The following ARHGAP15 variants were observed in gnomAD, a reference collection of about 807,000 sequenced individuals.
ARHGAP15 encodes rho GTPase-activating protein 15.
Under a neutral mutation model 63.7 loss-of-function variants are expected in ARHGAP15, and 51 were observed. The ratio of observed to expected loss-of-function variants is 0.80; its 90% CI spans 0.64 to 1.01. The LOEUF is 1.01. Ranked by LOEUF, ARHGAP15 falls within the 50% of genes least tolerant of loss-of-function variation. The probability of loss-of-function intolerance (pLI) is 0.00; values close to 1 mark genes in which losing one functional copy is unlikely to be tolerated. For synonymous variants in ARHGAP15, 191 were observed against 193.8 expected, an observed-to-expected ratio of 0.99 and a Z score of 0.12; for missense variants, 560 against 564.6, an observed-to-expected ratio of 0.99 and a Z score of 0.08.
chr2:143,437,654 C>T (rs1270630215), intron 8 of ARHGAP15, among the ~76,000 whole-genome samples: 1 of 152,170 alleles, frequency 6.6e-6, no homozygotes, highest in African/African-American at 2.4e-5. Context: ...ACTGCTTCTT[C>T]CTCAATGAAA....
At chr2:143,685,864 A>T (rs1683310834) in intron 12 of ARHGAP15, among the ~76,000 whole-genome samples, 1 of 152,216 alleles carries the variant, frequency 6.6e-6, no homozygotes. Context: ...GTTCAAAGTC[A>T]AAAGGCCAGG....
rs1442329731 is a variant in ARHGAP15, at chr2:143,508,725, TGC to T, written c.827-10538_827-10537del. 2.1e-5 allele frequency among the ~76,000 whole-genome samples: 3 copies of T among 141,896 alleles called. No homozygotes were observed. The Admixed American group carries it at 2.2e-4, about 10-fold the overall frequency. 93.1% of individuals were successfully genotyped at this position (141,896 alleles called of 152,430 possible). On this transcript the variant is annotated intron_variant, in intron 9 of 13. Coordinates refer to ENST00000295095, the MANE Select transcript of ARHGAP15 (RefSeq NM_018460.4). ...AGTAGACAAATATAGAAGAATTTCATGCGCACAGTGTCCCATTTGGTTAATAA... is the reference window on the plus strand; with the variant it reads ...AGTAGACAAATATAGAAGAATTTCATGCACAGTGTCCCATTTGGTTAATAA...
chr2:143,536,836 G>A (rs534119056), intron 10 of ARHGAP15, among the ~76,000 whole-genome samples: 3 of 151,810 alleles, frequency 2.0e-5, no homozygotes, highest in East Asian at 1.9e-4. Context: ...ATAAACATAC[G>A]TGTGCATGTG....
At chr2:143,531,940 A>T (rs1196060360) in intron 10 of ARHGAP15, among the ~76,000 whole-genome samples, 2 of 152,216 alleles carry the variant, frequency 1.3e-5, no homozygotes, top group African/African-American at 4.8e-5. Flanking sequence ...ACTGGGAAAA[A>T]AAGTACTTTC....
chr2:143,616,714 C>G (rs148334476), intron 11 of ARHGAP15, among the ~76,000 whole-genome samples: 1 of 152,306 alleles, frequency 6.6e-6, no homozygotes, highest in African/African-American at 2.4e-5. Context: ...ACAGGTCTGT[C>G]TCCTCTTGCC....
chr2:143,324,298 C>T (rs1329179310), intron 6 of ARHGAP15, among the ~76,000 whole-genome samples: 2 of 152,010 alleles, frequency 1.3e-5, no homozygotes, highest in African/African-American at 4.8e-5. Flanking sequence ...TCTTCCTGTT[C>T]CTTAGAATTA....
In ARHGAP15 at chr2:143,737,613, G is replaced by A. The variant is rs74598335; in HGVS notation, c.1245-30376G>A. ...CAATTGAGTAGAACCAAAAAGATTC[G>A]AACATGCTTATTTAATGTCCTCTGG... On this transcript the variant is annotated intron_variant, in intron 13 of 13. Transcript: ENST00000295095. Among the ~76,000 whole-genome samples, 15 of 152,174 alleles carry A rather than the reference G, an allele frequency of 9.9e-5. 1 individual carries two copies. In the South Asian group the frequency reaches 2.5e-3, roughly 25 times the overall value.
intron 4 of ARHGAP15, among the ~76,000 whole-genome samples, chr2:143,222,850 T>C (rs1251978859): frequency 6.6e-6 from 1 of 152,222 alleles, no homozygotes; most frequent in African/African-American, 2.4e-5. Flanking sequence ...ATTGCATAAA[T>C]GGTACATAAA....
At chr2:143,584,965 A>G (rs532340053) in intron 11 of ARHGAP15, among the ~76,000 whole-genome samples, 1 of 152,290 alleles carries the variant, frequency 6.6e-6, no homozygotes. Context: ...TCGTACATGT[A>G]TTTTACTTTT....
intron 8 of ARHGAP15, among the ~76,000 whole-genome samples, chr2:143,444,676 G>C (rs1411221013): frequency 6.6e-6 from 1 of 151,492 alleles, no homozygotes; most frequent in Non-Finnish European, 1.5e-5. Context: ...AACATGCTTG[G>C]GGGAAAAAAA....
At chr2:143,206,851 G>A (rs79259596) in intron 3 of ARHGAP15, among the ~76,000 whole-genome samples, 3,743 of 151,916 alleles carry the variant, frequency 0.025, 163 homozygotes, top group African/African-American at 0.086. Flanking sequence ...CACATAAAAA[G>A]TTTGCTCTGA....
intron 8 of ARHGAP15, among the ~76,000 whole-genome samples, chr2:143,455,824 A>G (rs1690622518): frequency 1.3e-5 from 2 of 152,082 alleles, no homozygotes; most frequent in Non-Finnish European, 2.9e-5. Context: ...TAAAAGGAAA[A>G]AAGTTTAATA....
intron 6 of ARHGAP15, among the ~76,000 whole-genome samples, chr2:143,306,288 G>C (rs1323835324): frequency 5.3e-5 from 8 of 152,142 alleles, no homozygotes; most frequent in Non-Finnish European, 1.2e-4. Context: ...GGTTACTACA[G>C]TGTTCGGATT....
At chr2:143,160,342 C>A (rs1443690641) in intron 2 of ARHGAP15, among the ~76,000 whole-genome samples, 1 of 151,886 alleles carries the variant, frequency 6.6e-6, no homozygotes, top group Non-Finnish European at 1.5e-5. Flanking sequence ...TGTTCCTAAT[C>A]TTTATTGGAC....
intron 4 of ARHGAP15, among the ~76,000 whole-genome samples, chr2:143,218,941 T>C (rs1692878558): frequency 1.3e-5 from 2 of 152,192 alleles, no homozygotes; most frequent in South Asian, 4.1e-4. Context: ...CGCTAGGCAA[T>C]AGGAATTTTT....
intron 11 of ARHGAP15, among the ~76,000 whole-genome samples, chr2:143,575,638 A>C (rs529005737): frequency 1.6e-4 from 25 of 152,230 alleles, no homozygotes; most frequent in African/African-American, 5.5e-4. Flanking sequence ...GCAAGTGGGA[A>C]ATTTCACTAT....
intron 1 of ARHGAP15, among the ~76,000 whole-genome samples, chr2:143,153,747 G>A (rs1326836682): frequency 6.6e-6 from 1 of 150,396 alleles, no homozygotes; most frequent in Non-Finnish European, 1.5e-5. Flanking sequence ...GCATTTTTGA[G>A]AATATTATAT....
intron 13 of ARHGAP15, among the ~76,000 whole-genome samples, chr2:143,714,916 G>C (rs755511531): frequency 8.5e-5 from 13 of 152,072 alleles, no homozygotes; most frequent in Admixed American, 3.3e-4. Flanking sequence ...ACATTTTCCT[G>C]TCTTCTTCTG....
At chr2:143,250,648 G>T in intron 6 of ARHGAP15, 48 bp downstream of exon 6, 1 of 1,493,916 alleles carries the variant, frequency 6.7e-7, no homozygotes, top group South Asian at 1.2e-5. Context: ...CTCTAAATCT[G>T]AGCTCTCTTG....
Sources: allele counts gnomAD v4.1 joint callset (sites outside exome capture counted in the v4.1 genomes callset), GRCh38; gene constraint gnomAD v4.1.1; transcripts MANE v1.5; gene names NCBI Gene and HGNC (gene_info 2026-07-23, HGNC 2026-07-21).